Variants in GCSH observed in about 807,000 individuals in gnomAD.
GCSH encodes glycine cleavage system H protein, mitochondrial.
Under a neutral mutation model 21.3 loss-of-function variants are expected in GCSH, and 15 were observed. The observed-to-expected ratio is 0.70, with a 90% CI of 0.47 to 1.08. The LOEUF (loss-of-function observed/expected upper bound fraction) is 1.08, where lower values mean the gene tolerates loss of function less well. GCSH is among the 50% of genes least tolerant of loss of function. GCSH has a pLI of 0.00. For synonymous variants in GCSH, 59 were observed against 84.5 expected (o/e 0.70, Z 1.66); for missense variants, 179 against 217.5 (o/e 0.82, Z 1.11).
In GCSH at chr16:81,084,711, CTT is replaced by C. The variant is rs35385687; in HGVS notation, c.293-119_293-118del. 0.17 allele frequency: 91,861 copies of C among 546,130 alleles called. 892 individuals carry two copies. The highest frequency in any genetic ancestry group is 0.25 in the East Asian group (7,379 of 29,278). The allele number at this position is 546,130 out of a possible 1,614,324, so 33.8% of individuals were successfully genotyped here. A position where few individuals can be genotyped will look rare whatever the true frequency, so the allele number is the denominator to read the frequency against. ...GCTATGATTTTAAAATTCCAAATTT[CTT>C]TTTTTTTTTTTTTTGAGATGGAGTC... On this transcript the variant is annotated intron_variant, in intron 3 of 4. Coordinates refer to ENST00000315467, the MANE Select transcript of GCSH (RefSeq NM_004483.5).
chr16:81,096,333 G>A lies in GCSH; in HGVS notation c.-55C>T, dbSNP rs1403794448. ...ACGCCTCGGCCACCCGCGCCGGGAG[G>A]CGGGGCGGGGAGGGGCAGTTCGCGG... On this transcript the variant is annotated 5_prime_UTR_variant, in exon 1 of 5. Coordinates refer to ENST00000315467, the MANE Select transcript of GCSH (RefSeq NM_004483.5). 6 of 1,328,096 alleles carry A rather than the reference G, an allele frequency of 4.5e-6. No individual in the cohort carries two copies. Among genetic ancestry groups the A allele is most frequent in the African/African-American group, 3.1e-5 (2 of 64,242 alleles). The allele number at this position is 1,328,096 out of a possible 1,614,324, so 82.3% of individuals were successfully genotyped here.
At chr16:81,095,377 ATTTTTTTTTTTTTT>A (rs78295348) in intron 1 of GCSH, among the ~76,000 whole-genome samples, 130,913 of 147,874 alleles carry the variant, frequency 0.89, 57,751 homozygotes, top group South Asian at 0.97. Context: ...TGGCGCTTTA[ATTTTTTTTTTTTTT>A]TTTTTTTTTG....
Position 81,087,632 on chromosome 16 carries a change from G to C in GCSH, c.261C>G (p.Leu87=), listed in dbSNP as rs8177908. The change falls in exon 3 of 5, where the codon CTC becomes CTG. Residue 87 remains leucine, a synonymous_variant. Coordinates refer to ENST00000315467, the MANE Select transcript of GCSH (RefSeq NM_004483.5). ...TGTTCAATTTTGTCCCAACTTCAGG[G>C]AGACTACAATAAACAACATCTCCCA... ...EALGDVVYCS[L]PEVGTKLNKQ... The C allele has an allele frequency of 8.2e-3, 13,241 of 1,611,310 alleles. 564 individuals are homozygous for C. In the African/African-American group the frequency reaches 0.12, roughly 15 times the overall value.
At chr16:81,094,598 G>A (rs1567590782) in intron 1 of GCSH, among the ~76,000 whole-genome samples, 1 of 152,094 alleles carries the variant, frequency 6.6e-6, no homozygotes, top group Non-Finnish European at 1.5e-5. Context: ...AATTAGTGAT[G>A]TAGGGATCCC....
chr16:81,083,734 A>G (rs1028357844), intron 4 of GCSH: 3 of 152,452 alleles, frequency 2.0e-5, no homozygotes, highest in South Asian at 2.1e-4. Flanking sequence ...TGGAGCCTCT[A>G]TTCATCTACA....
At chr16:81,083,892 T>C (rs1972217948) in intron 4 of GCSH, 1 of 153,296 alleles carries the variant, frequency 6.5e-6, no homozygotes, top group Admixed American at 6.5e-5. Context: ...AGTAAATACT[T>C]TGCAGATGTT....
At position 81,082,115 on chromosome 16, in the gene GCSH, TTGG is replaced by T. The variant is rs1972175771; in HGVS notation, c.*748_*750del. On this transcript the variant is annotated 3_prime_UTR_variant, in exon 5 of 5. Transcript: ENST00000315467. Reference sequence around the variant, plus strand: ...GACCTCGCATGATAGAAAATCAAAGTTGGTGATTTATTTTTTATTATGTTAAAG... The same window carrying T: ...GACCTCGCATGATAGAAAATCAAAGTTGATTTATTTTTTATTATGTTAAAG... The T allele has an allele frequency of 2.2e-6, 1 of 453,974 alleles. No individual in the cohort carries two copies. The highest frequency in any genetic ancestry group is 4.4e-6 in the Non-Finnish European group (1 of 226,794). The allele number at this position is 453,974 out of a possible 1,614,324, so 28.1% of individuals were successfully genotyped here. A position where few individuals can be genotyped will look rare whatever the true frequency, so the allele number is the denominator to read the frequency against.
At chr16:81,085,122 C>A (rs75431188) in intron 3 of GCSH, among the ~76,000 whole-genome samples, 16,645 of 148,118 alleles carry the variant, frequency 0.11, 955 homozygotes, top group East Asian at 0.21. Flanking sequence ...TCAAGCCATT[C>A]TCCTGCCTCA....
chr16:81,092,080 G>A (rs769267083), intron 1 of GCSH, among the ~76,000 whole-genome samples: 18 of 152,184 alleles, frequency 1.2e-4, no homozygotes, highest in Admixed American at 8.5e-4. Context: ...CTGACGTTCA[G>A]GTAAGAAAGT....
intron 4 of GCSH, 93 bp downstream of exon 4, chr16:81,084,370 G>T: frequency 1.0e-6 from 1 of 956,502 alleles, no homozygotes; most frequent in Non-Finnish European, 1.7e-6. Context: ...AGTAGAAAAA[G>T]ATGAAGTCAC....
chr16:81,093,866 T>C (rs11866124), intron 1 of GCSH, among the ~76,000 whole-genome samples: 131,761 of 152,054 alleles, frequency 0.87, 57,608 homozygotes, highest in South Asian at 0.96. Context: ...CCTTTAACCC[T>C]TGGCCCGACA....
At chr16:81,086,325 G>A (rs989872555) in intron 3 of GCSH, among the ~76,000 whole-genome samples, 12 of 151,906 alleles carry the variant, frequency 7.9e-5, no homozygotes, top group South Asian at 2.1e-4. Context: ...TTGAGGTCAC[G>A]AGTTCAAGAC....
At chr16:81,092,496 T>C (rs943792019) in intron 1 of GCSH, among the ~76,000 whole-genome samples, 7 of 152,094 alleles carry the variant, frequency 4.6e-5, no homozygotes, top group Admixed American at 4.6e-4. Context: ...ATCCCAGCAC[T>C]TTGGGAGGCC....
At chr16:81,089,025 G>C (rs1167255695) in intron 2 of GCSH, among the ~76,000 whole-genome samples, 1 of 152,184 alleles carries the variant, frequency 6.6e-6, no homozygotes, top group South Asian at 2.1e-4. Context: ...CCAACACTGG[G>C]CCTCATAGTA....
At chr16:81,088,370 C>G (rs1397823672) in intron 2 of GCSH, among the ~76,000 whole-genome samples, 1 of 152,190 alleles carries the variant, frequency 6.6e-6, no homozygotes, top group Non-Finnish European at 1.5e-5. Context: ...TAACACAAGC[C>G]TCCTGCCCCA....
chr16:81,087,367 C>T (rs981505415), intron 3 of GCSH, among the ~76,000 whole-genome samples: 2 of 151,908 alleles, frequency 1.3e-5, no homozygotes, highest in Non-Finnish European at 2.9e-5. Flanking sequence ...CTCTACAATA[C>T]AAAAATTAGC....
intron 3 of GCSH, among the ~76,000 whole-genome samples, chr16:81,085,163 C>T (rs957499787): frequency 4.0e-5 from 6 of 151,640 alleles, no homozygotes; most frequent in African/African-American, 1.2e-4. Flanking sequence ...TACAGGCGCG[C>T]ACCACCACGC....
intron 3 of GCSH, among the ~76,000 whole-genome samples, chr16:81,084,916 T>C (rs7186377): frequency 0.98 from 146,314 of 150,028 alleles, 71,453 homozygotes; most frequent in Middle Eastern, 1. Context: ...GGGGTTTCAC[T>C]GTGTTAGCTA....
Position 81,082,136 on chromosome 16 carries a change from T to G in GCSH, c.*730A>C, listed in dbSNP as rs988388293. 2.2e-6 allele frequency: 1 copy of G among 454,018 alleles called. No individual in the cohort carries two copies. Among genetic ancestry groups the G allele is most frequent in the Non-Finnish European group, 4.4e-6 (1 of 226,808 alleles). 28.1% of individuals were successfully genotyped at this position (454,018 alleles called of 1,614,324 possible). On this transcript the variant is annotated 3_prime_UTR_variant, in exon 5 of 5. Coordinates refer to ENST00000315467, the MANE Select transcript of GCSH (RefSeq NM_004483.5). The stretch of plus-strand genomic sequence containing the variant: ...AAAGTTGGTGATTTATTTTTTATTA[T>G]GTTAAAGGTGACAGATCTTGGCTTA...
Sources: gnomAD v4.1 joint callset for allele counts (sites outside exome capture counted in the v4.1 genomes callset) on GRCh38, gnomAD v4.1.1 for gene constraint, MANE v1.5 for transcripts, NCBI Gene and HGNC (gene_info 2026-07-23, HGNC 2026-07-21) for gene names.